VRK2: variants seen among roughly 807,000 people sequenced by gnomAD.
VRK2 encodes the protein VRK serine/threonine kinase 2.
Under a neutral mutation model 57.6 loss-of-function variants are expected in VRK2, and 60 were observed. The ratio of observed to expected loss-of-function variants is 1.04; its 90% CI spans 0.85 to 1.29. VRK2 has a LOEUF of 1.29. Among genes scored for constraint, VRK2 ranks in the 50% most tolerant of loss-of-function variants. The pLI is 0.00. For missense variants in VRK2, 705 were observed against 588.1 expected (o/e 1.20, Z -2.06); for synonymous variants, 231 against 199.2 (o/e 1.16, Z -1.35).
intron 1 of VRK2, among the ~76,000 whole-genome samples, chr2:57,977,080 T>A (rs1405426218): frequency 6.6e-6 from 1 of 152,160 alleles, no homozygotes; most frequent in East Asian, 1.9e-4. Flanking sequence ...TATATGTCTG[T>A]TTTTGTACCA....
intron 1 of VRK2, among the ~76,000 whole-genome samples, chr2:57,999,915 G>A (rs931201305): frequency 2.6e-5 from 4 of 152,138 alleles, no homozygotes; most frequent in Non-Finnish European, 4.4e-5. Context: ...GGTCGAGGTA[G>A]AAGGATCATC....
upstream of VRK2, chr2:58,046,588 G>C (rs933171125): frequency 2.0e-6 from 2 of 985,622 alleles, no homozygotes; most frequent in Non-Finnish European, 2.4e-6. Flanking sequence ...TAGTAACACA[G>C]CTCCCATTCC....
chr2:58,148,806 C>G (rs974075124), intron 12 of VRK2, among the ~76,000 whole-genome samples: 3 of 151,708 alleles, frequency 2.0e-5, no homozygotes, highest in Admixed American at 1.3e-4. Context: ...CAAAAGTCAG[C>G]TAACTGTGTG....
intron 1 of VRK2, among the ~76,000 whole-genome samples, chr2:57,929,531 G>C (rs1670652336): frequency 6.6e-6 from 1 of 152,170 alleles, no homozygotes; most frequent in Non-Finnish European, 1.5e-5. Flanking sequence ...GACTGCAAGA[G>C]CCTGCTTGGT....
chr2:58,128,832 G>T (rs539490627), intron 8 of VRK2, among the ~76,000 whole-genome samples: 2 of 152,298 alleles, frequency 1.3e-5, no homozygotes, highest in Admixed American at 1.3e-4. Context: ...AGCAGGTAGA[G>T]TGCCAGGCAT....
At chr2:58,073,057 T>C (rs879420658) in intron 2 of VRK2, among the ~76,000 whole-genome samples, 1 of 152,148 alleles carries the variant, frequency 6.6e-6, no homozygotes, top group Non-Finnish European at 1.5e-5. Flanking sequence ...CTTTTTAAAA[T>C]GTACTTTGAG....
intron 1 of VRK2, among the ~76,000 whole-genome samples, chr2:57,992,761 C>G (rs370662324): frequency 6.6e-6 from 1 of 152,100 alleles, no homozygotes; most frequent in Non-Finnish European, 1.5e-5. Flanking sequence ...TGGTCTCGAT[C>G]TCCTGACCTC....
At chr2:58,041,079 A>T (rs1332520089) in intron 3 of VRK2, 34 of 984,874 alleles carry the variant, frequency 3.5e-5, no homozygotes, top group Non-Finnish European at 3.6e-5. Context: ...CTGGGGGGGA[A>T]AAAGGATGTA....
intron 1 of VRK2, among the ~76,000 whole-genome samples, chr2:57,936,882 T>C (rs952469164): frequency 3.9e-5 from 6 of 152,218 alleles, no homozygotes; most frequent in African/African-American, 1.4e-4. Context: ...ACTCTAACAC[T>C]TCTGGATTAC....
chr2:58,104,754 C>T (rs1315000826), intron 7 of VRK2, among the ~76,000 whole-genome samples: 3 of 151,924 alleles, frequency 2.0e-5, no homozygotes, highest in African/African-American at 7.2e-5. Context: ...ATAGCCAAAG[C>T]AACCCTAAGC....
intron 7 of VRK2, among the ~76,000 whole-genome samples, chr2:58,112,311 A>G (rs1222508541): frequency 6.6e-6 from 1 of 152,232 alleles, no homozygotes; most frequent in Non-Finnish European, 1.5e-5. Context: ...TGAGAAAGGT[A>G]CTTTGCCCAG....
At chr2:57,992,456 G>A (rs1672796379) in intron 1 of VRK2, among the ~76,000 whole-genome samples, 1 of 152,134 alleles carries the variant, frequency 6.6e-6, no homozygotes, top group South Asian at 2.1e-4. Flanking sequence ...GTTTTACAGT[G>A]AAAGAGAAAT....
At chr2:58,053,356 T>C (rs920679300) in intron 2 of VRK2, among the ~76,000 whole-genome samples, 2 of 152,236 alleles carry the variant, frequency 1.3e-5, no homozygotes. Context: ...AGATCATTTA[T>C]CCATGGACAG....
intron 3 of VRK2, among the ~76,000 whole-genome samples, chr2:58,084,396 C>G (rs529627569): frequency 6.6e-6 from 1 of 151,674 alleles, no homozygotes; most frequent in South Asian, 2.1e-4. Context: ...CTCCACCTCT[C>G]TAATCAAGAT....
chr2:58,079,319 A>G (rs1016215072), intron 2 of VRK2, among the ~76,000 whole-genome samples: 3 of 152,060 alleles, frequency 2.0e-5, no homozygotes, highest in Non-Finnish European at 4.4e-5. Flanking sequence ...TCCATTTACA[A>G]TTAATAAGTG....
At chr2:57,959,727 C>T (rs1272038948) in intron 1 of VRK2, among the ~76,000 whole-genome samples, 1 of 152,132 alleles carries the variant, frequency 6.6e-6, no homozygotes, top group African/African-American at 2.4e-5. Context: ...TCCAGAGGCT[C>T]GGCAGGTCCC....
At chr2:58,115,147 C>T (rs955520973) in intron 7 of VRK2, among the ~76,000 whole-genome samples, 1 of 151,822 alleles carries the variant, frequency 6.6e-6, no homozygotes, top group African/African-American at 2.4e-5. Context: ...TGGTGTGTGG[C>T]GATTAGGCCT....
At chr2:58,026,046 G>GAC (rs1169270862) in intron 2 of VRK2, among the ~76,000 whole-genome samples, 1 of 152,146 alleles carries the variant, frequency 6.6e-6, no homozygotes, top group African/African-American at 2.4e-5. Flanking sequence ...AATGAAATGT[G>GAC]ACTCTACTGG....
Position 58,019,558 on chromosome 2 carries a change from T to C in VRK2, c.-438-6107T>C, listed in dbSNP as rs1572788263. Among the ~76,000 whole-genome samples the C allele has an allele frequency of 2.0e-5, 3 of 152,302 alleles. No individual in the cohort carries two copies. The East Asian group carries it at 5.8e-4, about 29-fold the overall frequency. On this transcript the variant is annotated intron_variant, in intron 1 of 15. Coordinates refer to the VRK2 transcript ENST00000417641. ...TTGATTTTCAAATGCTACAGAAAAA[T>C]AACTAGCATTCCAGTTATTTTAGAA...
Sources: gnomAD v4.1 joint callset for allele counts (sites outside exome capture counted in the v4.1 genomes callset) on GRCh38, gnomAD v4.1.1 for gene constraint, MANE v1.5 for transcripts, NCBI Gene and HGNC (gene_info 2026-07-23, HGNC 2026-07-21) for gene names.